Variants in DAB1 observed in about 807,000 individuals in gnomAD.
DAB1 encodes disabled homolog 1.
In DAB1, 15 loss-of-function variants were observed where a neutral mutation model predicts 64.6. That is an observed-to-expected ratio of 0.23 (90% CI 0.16 to 0.36). DAB1 has a LOEUF of 0.36. Ranked by LOEUF, DAB1 falls within the 10% of genes least tolerant of loss-of-function variation. The pLI is 1.00. For missense variants in DAB1, 596 were observed against 706.7 expected (o/e 0.84, Z 1.78); for synonymous variants, 235 against 251.9 (o/e 0.93, Z 0.64).
chr1:57,636,638 C>T (rs1431946126), intron 7 of DAB1, among the ~76,000 whole-genome samples: 4 of 152,006 alleles, frequency 2.6e-5, no homozygotes, highest in South Asian at 4.1e-4. Flanking sequence ...AAAATGTGCT[C>T]GTGGGTGAGA....
chr1:57,742,961 C>T (rs1375521644), intron 6 of DAB1, among the ~76,000 whole-genome samples: 4 of 152,078 alleles, frequency 2.6e-5, no homozygotes, highest in Non-Finnish European at 4.4e-5. Context: ...TATTGTGTGC[C>T]GCTGTATACA....
chr1:58,303,605 A>C (rs1288548922), intron 4 of DAB1, among the ~76,000 whole-genome samples: 1 of 152,194 alleles, frequency 6.6e-6, no homozygotes, highest in Non-Finnish European at 1.5e-5. Context: ...AGAAATGCAT[A>C]TGGAATCCTA....
At chr1:57,974,048 T>C (rs535851001) in intron 5 of DAB1, among the ~76,000 whole-genome samples, 1 of 152,222 alleles carries the variant, frequency 6.6e-6, no homozygotes, top group African/African-American at 2.4e-5. Context: ...CCCTGCCTCC[T>C]TGTCCTTGAT....
At chr1:58,287,245 G>A (rs369867964) in intron 4 of DAB1, among the ~76,000 whole-genome samples, 1 of 152,182 alleles carries the variant, frequency 6.6e-6, no homozygotes, top group East Asian at 1.9e-4. Context: ...GATAGGTGCA[G>A]CAAATAACCA....
chr1:57,536,278 C>G (rs1644726424), intron 7 of DAB1, among the ~76,000 whole-genome samples: 2 of 152,190 alleles, frequency 1.3e-5, no homozygotes, highest in Non-Finnish European at 2.9e-5. Flanking sequence ...CTCAACTGAT[C>G]CATGAAAAAC....
chr1:58,265,445 G>A (rs4912185), intron 4 of DAB1, among the ~76,000 whole-genome samples: 44,419 of 152,128 alleles, frequency 0.29, 8,198 homozygotes, highest in Non-Finnish European at 0.42. Flanking sequence ...TCTTCTAGAA[G>A]GAGTAAGCTT....
chr1:57,728,829 T>C (rs1443195852), intron 6 of DAB1, among the ~76,000 whole-genome samples: 1 of 152,232 alleles, frequency 6.6e-6, no homozygotes, highest in Non-Finnish European at 1.5e-5. Flanking sequence ...CTTCCACATC[T>C]GCAAAATGGG....
chr1:58,520,259 T>A (rs1036012714), intron 2 of DAB1, among the ~76,000 whole-genome samples: 1 of 151,484 alleles, frequency 6.6e-6, no homozygotes, highest in Non-Finnish European at 1.5e-5. Flanking sequence ...TTGAAAAAAA[T>A]AAAAAATAAA....
intron 1 of DAB1, among the ~76,000 whole-genome samples, chr1:57,308,916 A>C (rs575446616): frequency 1.6e-4 from 24 of 152,238 alleles, no homozygotes; most frequent in Non-Finnish European, 3.1e-4. Flanking sequence ...TGAAAAAAAA[A>C]CTCGGATATC....
At chr1:57,667,525 G>T (rs1417031521) in intron 6 of DAB1, among the ~76,000 whole-genome samples, 3 of 152,038 alleles carry the variant, frequency 2.0e-5, no homozygotes, top group Non-Finnish European at 2.9e-5. Context: ...TTTGTGTACT[G>T]CCATGTCTCC....
intron 1 of DAB1, among the ~76,000 whole-genome samples, chr1:57,346,172 C>A (rs1305905054): frequency 6.6e-6 from 1 of 152,176 alleles, no homozygotes; most frequent in African/African-American, 2.4e-5. Context: ...ATCTCAGCTT[C>A]ATTGTAATCA....
intron 6 of DAB1, among the ~76,000 whole-genome samples, chr1:57,749,454 C>G (rs1222749702): frequency 1.3e-5 from 2 of 152,188 alleles, no homozygotes; most frequent in African/African-American, 4.8e-5. Flanking sequence ...AAAGACATAT[C>G]TAGATTTCCA....
rs910737684 is a variant in DAB1, at chr1:57,727,750, T to TTCCTTCCA, written n.552-78086_552-78085insTGGAAGGA. 3.3e-5 allele frequency among the ~76,000 whole-genome samples: 5 copies of TTCCTTCCA among 151,760 alleles called. 1 individual carries two copies. Among genetic ancestry groups the TTCCTTCCA allele is most frequent in the African/African-American group, 4.8e-5 (2 of 41,282 alleles). ...TCTCCTTCCTTCCTTCCTTCCTTCC[T>TTCCTTCCA]TCCTTCCTCTCTTCCTCTCTCCCCT... On this transcript the variant is annotated intron_variant and non_coding_transcript_variant, in intron 6 of 20. Transcript: ENST00000485760.
intron 1 of DAB1, among the ~76,000 whole-genome samples, chr1:57,845,199 G>A (rs772798914): frequency 1.3e-5 from 2 of 152,194 alleles, no homozygotes; most frequent in Admixed American, 6.5e-5. Flanking sequence ...GTGCGAGGGA[G>A]GAAGTGTCCC....
intron 6 of DAB1, among the ~76,000 whole-genome samples, chr1:57,755,005 AAAC>A (rs942039004): frequency 2.1e-5 from 3 of 145,502 alleles, no homozygotes; most frequent in Non-Finnish European, 4.7e-5. Flanking sequence ...AAAAACAAAC[AAAC>A]AAAAAATCCA....
chr1:58,514,811 AAATAT>A (rs976555098), intron 2 of DAB1, among the ~76,000 whole-genome samples: 4 of 152,190 alleles, frequency 2.6e-5, no homozygotes, highest in African/African-American at 9.6e-5. Flanking sequence ...TCCAGCAGGC[AAATAT>A]AAGATGGAAA....
Position 57,220,948 on chromosome 1 carries a change from G to A in DAB1, c.67+70016C>T, listed in dbSNP as rs1368834249. 3.9e-5 allele frequency among the ~76,000 whole-genome samples: 6 copies of A among 152,248 alleles called. No homozygotes were observed. In the East Asian group the frequency reaches 9.6e-4, roughly 24 times the overall value. Reference sequence around the variant, plus strand: ...TGCTGCTATAAAGACACATGCACACGTATGTTTATTGTGGCACTATTCACA... The same window carrying A: ...TGCTGCTATAAAGACACATGCACACATATGTTTATTGTGGCACTATTCACA... On this transcript the variant is annotated intron_variant, in intron 2 of 14. Coordinates refer to ENST00000371236, the MANE Select transcript of DAB1 (RefSeq NM_001365792.1).
intron 1 of DAB1, among the ~76,000 whole-genome samples, chr1:57,403,415 G>C (rs1297819194): frequency 6.6e-6 from 1 of 152,166 alleles, no homozygotes; most frequent in Non-Finnish European, 1.5e-5. Flanking sequence ...CTTGGCTCTA[G>C]CCATAGCTGC....
rs540957487 is a variant in DAB1 at position 57,720,881 on chromosome 1, CCT to C, written n.552-71218_552-71217del. 3.6e-4 allele frequency among the ~76,000 whole-genome samples: 55 copies of C among 152,106 alleles called. 3 individuals are homozygous for C. The East Asian group carries it at 9.9e-3, about 27-fold the overall frequency. ...CATTCAGTCAAAGTAGGAAAATCACCCTCTCATATTTGAAACACACCTTGTAT... is the reference window on the plus strand; with the variant it reads ...CATTCAGTCAAAGTAGGAAAATCACCCTCATATTTGAAACACACCTTGTAT... On this transcript the variant is annotated intron_variant and non_coding_transcript_variant, in intron 6 of 20. Transcript: ENST00000485760.
Sources: gnomAD v4.1 joint callset for allele counts (sites outside exome capture counted in the v4.1 genomes callset) on GRCh38, gnomAD v4.1.1 for gene constraint, MANE v1.5 for transcripts, NCBI Gene and HGNC (gene_info 2026-07-23, HGNC 2026-07-21) for gene names.